FOXP1: variants seen among roughly 807,000 people sequenced by gnomAD.
The protein encoded by FOXP1 is forkhead box P1.
FOXP1 carries 15 observed loss-of-function variants against 98.2 expected under a neutral mutation model. That is an observed-to-expected ratio of 0.15 (90% CI 0.10 to 0.24). The LOEUF is 0.24. Ranked by LOEUF, FOXP1 falls within the 10% of genes least tolerant of loss-of-function variation. FOXP1 has a pLI of 1.00. For synonymous variants in FOXP1, 371 were observed against 314.5 expected (o/e 1.18, Z -1.90); for missense variants, 633 against 848.5 (o/e 0.75, Z 3.15).
chr3:71,395,875 G>C (rs967884338), intron 3 of FOXP1, among the ~76,000 whole-genome samples: 1 of 151,924 alleles, frequency 6.6e-6, no homozygotes, highest in African/African-American at 2.4e-5. Flanking sequence ...TTAATGGGGG[G>C]GTTGGTTATG....
At position 71,052,584 on chromosome 3, in the gene FOXP1, G is replaced by T; in HGVS notation, c.463C>A (p.Gln155Lys). The T allele has an allele frequency of 6.9e-7, 1 of 1,440,252 alleles. No individual in the cohort carries two copies. The highest frequency in any genetic ancestry group is 9.8e-7 in the Non-Finnish European group (1 of 1,020,886). The allele number at this position is 1,440,252 out of a possible 1,614,324, so 89.2% of individuals were successfully genotyped here. The change falls in exon 9 of 21, where the codon CAG becomes AAG. Residue 155 changes from glutamine (Q) to lysine (K), a missense_variant. Gln to Lys is a moderately conservative substitution (Grantham distance 53). Around this residue, in one of 6 missense-constraint regions of FOXP1, gnomAD observed 210 missense variants for 270.6 expected, o/e 0.78. Transcript: ENST00000649528. Reference protein sequence around the residue: ...EFYKKQQEQLQLQLLQQQHAG... With the variant: ...EFYKKQQEQLKLQLLQQQHAG... The stretch of plus-strand genomic sequence containing the variant: ...TGTTGTTGTTGTAAAAGTTGAAGCT[G>T]CAACTGTTCCTGTTGTTTTTTATAA...
intron 2 of FOXP1, among the ~76,000 whole-genome samples, chr3:71,523,427 T>C (rs1427080713): frequency 6.6e-6 from 1 of 152,216 alleles, no homozygotes; most frequent in Non-Finnish European, 1.5e-5. Context: ...TAACCCTTTA[T>C]TTTTAAGCTA....
At chr3:71,579,282 C>CA (rs1242614620) in intron 2 of FOXP1, among the ~76,000 whole-genome samples, 2 of 151,880 alleles carry the variant, frequency 1.3e-5, no homozygotes, top group African/African-American at 4.8e-5. Flanking sequence ...AATATAAACA[C>CA]AAAATCTTAG....
intron 2 of FOXP1, among the ~76,000 whole-genome samples, chr3:71,557,926 C>T (rs2046255759): frequency 6.6e-6 from 1 of 152,234 alleles, no homozygotes; most frequent in Admixed American, 6.5e-5. Flanking sequence ...ACGTGATTCT[C>T]CTGCCTCAGC....
intron 10 of FOXP1, 139 bp downstream of exon 10, chr3:71,046,803 T>A: frequency 9.5e-7 from 1 of 1,054,338 alleles, no homozygotes; most frequent in Non-Finnish European, 1.5e-6. Flanking sequence ...GGTCCATCAT[T>A]ATCCCACTCC....
intron 20 of FOXP1, among the ~76,000 whole-genome samples, chr3:70,961,370 A>C (rs2033443257): frequency 6.6e-6 from 1 of 152,012 alleles, no homozygotes; most frequent in South Asian, 2.1e-4. Flanking sequence ...AGCTGAGATT[A>C]CAGGGGCCCA....
chr3:70,961,931 T>C (rs2033633506), intron 20 of FOXP1, among the ~76,000 whole-genome samples: 1 of 152,200 alleles, frequency 6.6e-6, no homozygotes, highest in African/African-American at 2.4e-5. Flanking sequence ...TAAAATCAAG[T>C]GCAGTGTCCT....
intron 6 of FOXP1, among the ~76,000 whole-genome samples, chr3:71,151,824 C>G (rs2108070375): frequency 6.6e-6 from 1 of 152,284 alleles, no homozygotes; most frequent in Admixed American, 6.5e-5. Flanking sequence ...TTTACAAACA[C>G]TCTTAGCTCT....
intron 3 of FOXP1, among the ~76,000 whole-genome samples, chr3:71,382,964 GT>G (rs1180014551): frequency 1.3e-5 from 2 of 152,194 alleles, no homozygotes; most frequent in African/African-American, 2.4e-5. Context: ...ACATATTTAG[GT>G]GTGGGTATGA....
chr3:71,207,814 T>C (rs947972550), intron 5 of FOXP1, among the ~76,000 whole-genome samples: 9 of 152,192 alleles, frequency 5.9e-5, no homozygotes, highest in Non-Finnish European at 1.0e-4. Flanking sequence ...GCCAGGCTAA[T>C]GTTCAGGTCT....
At chr3:71,523,338 AG>A (rs1160608255) in intron 2 of FOXP1, among the ~76,000 whole-genome samples, 1 of 152,202 alleles carries the variant, frequency 6.6e-6, no homozygotes, top group Non-Finnish European at 1.5e-5. Context: ...AGCCAGAGGC[AG>A]GGGGACAATA....
At chr3:71,039,319 C>T (rs2106829080) in intron 11 of FOXP1, among the ~76,000 whole-genome samples, 1 of 152,106 alleles carries the variant, frequency 6.6e-6, no homozygotes, top group East Asian at 1.9e-4. Flanking sequence ...CAAATAAGGA[C>T]CATAAAAAAA....
chr3:71,201,590 T>C (rs1055077744), intron 5 of FOXP1, among the ~76,000 whole-genome samples: 1 of 150,404 alleles, frequency 6.6e-6, no homozygotes, highest in African/African-American at 2.5e-5. Context: ...GAGGTTGCAG[T>C]GAGCAGACAG....
At chr3:71,265,571 G>A (rs1037278663) in intron 5 of FOXP1, among the ~76,000 whole-genome samples, 2 of 152,202 alleles carry the variant, frequency 1.3e-5, no homozygotes, top group African/African-American at 4.8e-5. Flanking sequence ...TAGCTGACTT[G>A]ACAAATAGCC....
chr3:71,352,142 G>C (rs1288552916), intron 4 of FOXP1, among the ~76,000 whole-genome samples: 1 of 152,142 alleles, frequency 6.6e-6, no homozygotes, highest in Non-Finnish European at 1.5e-5. Flanking sequence ...ATATGTGTGC[G>C]TGAGGAAGAC....
chr3:71,558,687 G>A (rs1218968867), intron 2 of FOXP1, among the ~76,000 whole-genome samples: 1 of 150,874 alleles, frequency 6.6e-6, no homozygotes. Context: ...TAGAGACGGG[G>A]TTTCACTATG....
At chr3:71,471,068 T>C (rs1156512412) in intron 3 of FOXP1, among the ~76,000 whole-genome samples, 2 of 152,184 alleles carry the variant, frequency 1.3e-5, no homozygotes, top group Non-Finnish European at 2.9e-5. Flanking sequence ...TAAATACATG[T>C]TCACCATTAT....
intron 7 of FOXP1, among the ~76,000 whole-genome samples, chr3:71,072,747 C>T (rs1275554044): frequency 6.6e-6 from 1 of 152,204 alleles, no homozygotes; most frequent in Non-Finnish European, 1.5e-5. Flanking sequence ...ACCCAGCCTC[C>T]CAAACCACTT....
At chr3:71,328,693 C>A (rs1301217830) in intron 4 of FOXP1, among the ~76,000 whole-genome samples, 1 of 152,104 alleles carries the variant, frequency 6.6e-6, no homozygotes, top group Non-Finnish European at 1.5e-5. Flanking sequence ...TGACAGTTGG[C>A]TGGGCGCAGT....
Sources: gnomAD v4.1 joint callset for allele counts (sites outside exome capture counted in the v4.1 genomes callset) on GRCh38, gnomAD v4.1.1 for gene constraint, gnomAD v4.1.1 regional missense constraint, MANE v1.5 for transcripts, NCBI Gene and HGNC (gene_info 2026-07-23, HGNC 2026-07-21) for gene names.